TMEM161A: variants seen among roughly 807,000 people sequenced by gnomAD.
TMEM161A encodes transmembrane protein 161A.
In TMEM161A, 46 loss-of-function variants were observed where a neutral mutation model predicts 57.1. The ratio of observed to expected loss-of-function variants is 0.81; its 90% CI spans 0.64 to 1.03. The LOEUF is 1.03. Ranked by LOEUF, TMEM161A falls within the 50% of genes least tolerant of loss-of-function variation. The pLI, the probability that TMEM161A is intolerant of heterozygous loss-of-function variation, is 0.00. For missense variants in TMEM161A, 601 were observed against 621.5 expected (o/e 0.97, Z 0.35); for synonymous variants, 288 against 279.0 (o/e 1.03, Z -0.32).
intron 6 of TMEM161A, among the ~76,000 whole-genome samples, chr19:19,126,294 T>G (rs2059931026): frequency 6.6e-6 from 1 of 152,178 alleles, no homozygotes; most frequent in Non-Finnish European, 1.5e-5. Flanking sequence ...ACAACTACAT[T>G]TGACGACTCA....
chr19:19,130,391 C>T, intron 5 of TMEM161A, 84 bp from the exon 6 acceptor site: 4 of 1,553,652 alleles, frequency 2.6e-6, no homozygotes, highest in Non-Finnish European at 3.5e-6. Flanking sequence ...CCCCAGAACT[C>T]CAGGGAACAA....
In TMEM161A at chr19:19,120,258, G is replaced by A. The variant is rs979780405; in HGVS notation, c.1187-75C>T. On this transcript the variant is annotated intron_variant, in intron 11 of 11. Coordinates refer to ENST00000162044, the MANE Select transcript of TMEM161A (RefSeq NM_017814.3). ...GCGAGGGACAGGGCTGGCACGGGGGGCCAGGCCCATTCCTCCAGACACTCC... is the reference window on the plus strand; with the variant it reads ...GCGAGGGACAGGGCTGGCACGGGGGACCAGGCCCATTCCTCCAGACACTCC... 2.9e-5 allele frequency: 38 copies of A among 1,288,922 alleles called. 3 individuals are homozygous for A. The highest frequency in any genetic ancestry group is 1.0e-4 in the South Asian group (7 of 67,062). 79.8% of individuals were successfully genotyped at this position (1,288,922 alleles called of 1,614,324 possible).
Position 19,121,343 on chromosome 19 carries a change from C to T in TMEM161A, c.879G>A (p.Leu293=). The T allele has an allele frequency of 6.3e-7, 1 of 1,587,920 alleles. No homozygotes were observed. Among genetic ancestry groups the T allele is most frequent in the Non-Finnish European group, 8.6e-7 (1 of 1,167,970 alleles). Residue 293 remains leucine (L), a synonymous_variant, in exon 9 of 12, where the codon CTG becomes CTA. Transcript: ENST00000162044. This position sits in a 1 kb window ranked among gnomAD's most constrained non-coding sequence, Gnocchi z 5.8. ...GCGTCTCCCCAAACGGCGGCTGGTG[C>T]AGGAAGTCCCGTGCAATGGGCTTTG... The part of the protein sequence containing the change: ...LWTKPIARDF[L]HQPPFGETRF...
At chr19:19,122,862 A>G (rs781583894) in intron 6 of TMEM161A, among the ~76,000 whole-genome samples, 1 of 152,184 alleles carries the variant, frequency 6.6e-6, no homozygotes, top group African/African-American at 2.4e-5. Context: ...GAGTTAACAG[A>G]AAAACAACAG....
At chr19:19,129,242 T>C (rs1599708093) in intron 6 of TMEM161A, among the ~76,000 whole-genome samples, 1 of 152,264 alleles carries the variant, frequency 6.6e-6, no homozygotes, top group East Asian at 1.9e-4. Flanking sequence ...ATATGATTAT[T>C]TTGCTTTATA....
chr19:19,133,282 C>T, intron 2 of TMEM161A, 72 bp from the exon 3 acceptor site: 1 of 1,403,302 alleles, frequency 7.1e-7, no homozygotes, highest in Non-Finnish European at 1.0e-6. Flanking sequence ...AACCCCAAAT[C>T]CAGGGATTCT....
At chr19:19,120,248 G>T (rs773524121) in intron 11 of TMEM161A, 65 bp from the exon 12 acceptor site, 1,106 of 1,359,516 alleles carry the variant, frequency 8.1e-4, no homozygotes, top group Non-Finnish European at 1.0e-3. Flanking sequence ...GGACAGGGCT[G>T]GCACGGGGGG....
chr19:19,134,816 G>A lies in TMEM161A; in HGVS notation c.75C>T (p.Cys25=), dbSNP rs1385678393. The change falls in exon 2 of 12, where the codon TGC becomes TGT. Residue 25 remains cysteine (C), a synonymous_variant. Transcript: ENST00000162044. ...TACAGAGCAGCCAGCGCGCGAAGGAGCAGTGTGGCGCCAGCCTGTGCATGA... is the reference window on the plus strand; with the variant it reads ...TACAGAGCAGCCAGCGCGCGAAGGAACAGTGTGGCGCCAGCCTGTGCATGA... ...ATLMHRLAPH[C]SFARWLLCNG... is the part of the protein sequence containing the mutation. 3.1e-6 allele frequency: 5 copies of A among 1,593,330 alleles called. No homozygotes were observed. The East Asian group carries it at 1.2e-4, about 37-fold the overall frequency.
At chr19:19,137,982 C>G (rs1244181973) in intron 1 of TMEM161A, among the ~76,000 whole-genome samples, 2 of 152,188 alleles carry the variant, frequency 1.3e-5, no homozygotes, top group Non-Finnish European at 2.9e-5. Context: ...GTTCCACACA[C>G]CCCGATATAG....
At chr19:19,123,685 G>T (rs1041595446) in intron 6 of TMEM161A, among the ~76,000 whole-genome samples, 2 of 152,168 alleles carry the variant, frequency 1.3e-5, no homozygotes, top group African/African-American at 4.8e-5. Flanking sequence ...GTAAAGGGAT[G>T]TTAAAAAGAT....
At chr19:19,131,551 G>C (rs1412770524) in intron 5 of TMEM161A, among the ~76,000 whole-genome samples, 1 of 151,452 alleles carries the variant, frequency 6.6e-6, no homozygotes, top group Non-Finnish European at 1.5e-5. Context: ...GGGGGATGTA[G>C]TTTCGCTCTT....
chr19:19,121,331 C>G lies in TMEM161A; in HGVS notation c.891G>C (p.Pro297=), dbSNP rs781680703. Residue 297 remains proline (P), a synonymous_variant, in exon 9 of 12, where the codon CCG becomes CCC. Transcript: ENST00000162044. The surrounding 1 kb of genome is among the most constrained non-coding windows in gnomAD (Gnocchi z 5.8). The stretch of plus-strand genomic sequence containing the variant: ...ACAGGGAGAAACGCGTCTCCCCAAA[C>G]GGCGGCTGGTGCAGGAAGTCCCGTG... ...PIARDFLHQP[P]FGETRFSLLS... The G allele has an allele frequency of 6.3e-7, 1 of 1,576,006 alleles. No homozygotes were observed. Among genetic ancestry groups the G allele is most frequent in the Non-Finnish European group, 8.6e-7 (1 of 1,161,526 alleles).
intron 5 of TMEM161A, 188 bp from the exon 6 acceptor site, chr19:19,130,495 T>C (rs1433598529): frequency 6.0e-6 from 4 of 669,296 alleles, no homozygotes; most frequent in East Asian, 5.5e-5. Flanking sequence ...GGGGTTCCCG[T>C]TGAGTGGGAG....
chr19:19,131,507 TACACACAC>T (rs58481745), intron 5 of TMEM161A, among the ~76,000 whole-genome samples: 4 of 144,948 alleles, frequency 2.8e-5, no homozygotes, highest in Non-Finnish European at 4.5e-5. Context: ...TATATATATA[TACACACAC>T]ACACACACAC....
chr19:19,121,358 A>G lies in TMEM161A; in HGVS notation c.864T>C (p.Ile288=). 1.2e-6 allele frequency: 2 copies of G among 1,602,462 alleles called. No homozygotes were observed. The highest frequency in any genetic ancestry group is 1.7e-6 in the Non-Finnish European group (2 of 1,174,904). ...GCGGCTGGTGCAGGAAGTCCCGTGC[A>G]ATGGGCTTTGTCCAGAGCCACAGGA... ...LFILWLWTKP[I]ARDFLHQPPF... Residue 288 remains isoleucine (I), a synonymous_variant, in exon 9 of 12, where the codon ATT becomes ATC. Transcript: ENST00000162044. This position sits in a 1 kb window ranked among gnomAD's most constrained non-coding sequence, Gnocchi z 5.8.
intron 1 of TMEM161A, among the ~76,000 whole-genome samples, chr19:19,138,169 G>T (rs922851151): frequency 6.6e-6 from 1 of 152,130 alleles, no homozygotes; most frequent in African/African-American, 2.4e-5. Context: ...CCCCTAAAAG[G>T]TCTCGAGGGC....
intron 6 of TMEM161A, among the ~76,000 whole-genome samples, chr19:19,129,377 A>G (rs1446641843): frequency 1.3e-5 from 2 of 152,292 alleles, no homozygotes; most frequent in African/African-American, 2.4e-5. Flanking sequence ...GGTGAGGGCT[A>G]TGGTCTTTCT....
rs1384313593 is a variant in TMEM161A, at chr19:19,134,770, G to A, written c.107+14C>T. ...GACTCCGCGGGCCCCTCCCACCGCCGGGGCGGGGCTCACCTGCCGTTACAG... is the reference window on the plus strand; with the variant it reads ...GACTCCGCGGGCCCCTCCCACCGCCAGGGCGGGGCTCACCTGCCGTTACAG... On this transcript the variant is annotated intron_variant, in intron 2 of 11. Coordinates refer to ENST00000162044, the MANE Select transcript of TMEM161A (RefSeq NM_017814.3). 4 of 1,547,454 alleles carry A rather than the reference G, an allele frequency of 2.6e-6. No homozygotes were observed. Among genetic ancestry groups the A allele is most frequent in the South Asian group, 2.4e-5 (2 of 84,268 alleles).
At position 19,121,503 on chromosome 19, in the gene TMEM161A, C is replaced by T. The variant is rs1488129292; in HGVS notation, c.800+22G>A. 6 of 1,613,494 alleles carry T rather than the reference C, an allele frequency of 3.7e-6. No individual in the cohort carries two copies. The highest frequency in any genetic ancestry group is 1.1e-5 in the South Asian group (1 of 91,082). ...TCCCTTAAGCTCCCTAGTCCCCCCACCCACCAAGCGACCCACTTAACTGCA... is the reference window on the plus strand; with the variant it reads ...TCCCTTAAGCTCCCTAGTCCCCCCATCCACCAAGCGACCCACTTAACTGCA... On this transcript the variant is annotated intron_variant, in intron 8 of 11. Transcript: ENST00000162044. The surrounding 1 kb of genome is among the most constrained non-coding windows in gnomAD (Gnocchi z 5.8).
Sources: gnomAD v4.1 joint callset for allele counts (sites outside exome capture counted in the v4.1 genomes callset) on GRCh38, gnomAD v4.1.1 for gene constraint, Gnocchi (gnomAD v3.1) non-coding constraint, MANE v1.5 for transcripts, NCBI Gene and HGNC (gene_info 2026-07-23, HGNC 2026-07-21) for gene names.